CCNQ: variants seen among roughly 807,000 people sequenced by gnomAD.
CCNQ encodes the protein cyclin Q.
Under a neutral mutation model 17.7 loss-of-function variants are expected in CCNQ, and 3 were observed. That is an observed-to-expected ratio of 0.17 (90% CI 0.08 to 0.44). The LOEUF is 0.44. CCNQ is among the 20% of genes least tolerant of loss of function. The pLI, the probability that CCNQ is intolerant of heterozygous loss-of-function variation, is 0.99. For missense variants in CCNQ, 146 were observed against 222.6 expected, an observed-to-expected ratio of 0.66 and a Z score of 2.19; for synonymous variants, 73 against 96.0, an observed-to-expected ratio of 0.76 and a Z score of 1.40.
chrX:153,590,515 G>C (rs1557025560), intron 4 of CCNQ, among the ~76,000 whole-genome samples: 1 of 111,266 alleles, frequency 9.0e-6, no homozygotes, highest in Non-Finnish European at 1.9e-5. Context: ...CAGGAGCTTG[G>C]GGGTGGGGAG....
chrX:153,598,486 T>A (rs1557027567), intron 1 of CCNQ, among the ~76,000 whole-genome samples: 1 of 112,464 alleles, frequency 8.9e-6, no homozygotes, highest in Non-Finnish European at 1.9e-5. Flanking sequence ...CTTAATCACC[T>A]CGCCTGGGAA....
intron 4 of CCNQ, among the ~76,000 whole-genome samples, chrX:153,590,062 T>C (rs1396426721): frequency 9.2e-6 from 1 of 108,309 alleles, no homozygotes; most frequent in African/African-American, 3.4e-5. Flanking sequence ...ACCCCGTCTC[T>C]ACTAAAAATA....
chrX:153,596,761 A>C (rs782568123), intron 1 of CCNQ, among the ~76,000 whole-genome samples: 72 of 112,547 alleles, frequency 6.4e-4, no homozygotes, highest in Non-Finnish European at 1.3e-3. Context: ...CGTGACTGCC[A>C]AGAGTAACCA....
intron 1 of CCNQ, 34 bp from the exon 2 acceptor site, chrX:153,596,221 A>G (rs782764544): frequency 1.3e-5 from 16 of 1,194,148 alleles, no homozygotes; most frequent in Admixed American, 1.1e-4. Flanking sequence ...GAGGACTTCA[A>G]TCCAGCGCTG....
intron 2 of CCNQ, among the ~76,000 whole-genome samples, chrX:153,595,424 G>T (rs1237341763): frequency 8.8e-6 from 1 of 113,760 alleles, no homozygotes; most frequent in South Asian, 3.5e-4. Context: ...AGCCATCCAA[G>T]GAACATGTTT....
intron 4 of CCNQ, among the ~76,000 whole-genome samples, chrX:153,591,962 C>T (rs1557025889): frequency 9.1e-6 from 1 of 110,324 alleles, no homozygotes; most frequent in Non-Finnish European, 1.9e-5. Flanking sequence ...CTATGCAGAA[C>T]AGCACCAGCC....
chrX:153,596,724 G>A (rs1440194200), intron 1 of CCNQ, among the ~76,000 whole-genome samples: 2 of 112,622 alleles, frequency 1.8e-5, no homozygotes, highest in African/African-American at 3.2e-5. Flanking sequence ...TAGTCCACAG[G>A]TTAGAAGAGG....
intron 1 of CCNQ, 52 bp downstream of exon 1, chrX:153,598,910 C>G: frequency 1.0e-6 from 1 of 963,341 alleles, no homozygotes; most frequent in East Asian, 4.3e-5. Context: ...GGGCCCGCTC[C>G]GCGAAGCGGG....
intron 4 of CCNQ, 129 bp downstream of exon 4, chrX:153,592,377 C>G: frequency 1.4e-6 from 1 of 690,834 alleles, no homozygotes; most frequent in Middle Eastern, 3.1e-4. Context: ...AGGGTACTTT[C>G]GAGCTTCCAT....
chrX:153,589,738 C>G (rs2090978107), intron 4 of CCNQ, among the ~76,000 whole-genome samples: 1 of 112,459 alleles, frequency 8.9e-6, no homozygotes, highest in Admixed American at 9.4e-5. Flanking sequence ...TCCCAAAGAA[C>G]CCTAGGTTCC....
chrX:153,589,237 G>A (rs969207050), intron 4 of CCNQ, among the ~76,000 whole-genome samples: 4 of 112,951 alleles, frequency 3.5e-5, no homozygotes, highest in Non-Finnish European at 7.5e-5. Flanking sequence ...CCACGCAGGC[G>A]CTCCATGCCC....
In CCNQ at chrX:153,596,120, G is replaced by A. The variant is rs782684967; in HGVS notation, c.180C>T (p.Cys60=). ...TACTIYHKFF[C]ETNLDAYDPY... ...GGTCATAGGCGTCCAGGTTGGTCTC[G>A]CAAAAGAACTTATGGTAAATGGTGC... Residue 60 remains cysteine, a synonymous_variant, in exon 2 of 5, where the codon TGC becomes TGT. Coordinates refer to ENST00000576892, the MANE Select transcript of CCNQ (RefSeq NM_152274.5). 79 of 1,210,699 alleles carry A rather than the reference G, an allele frequency of 6.5e-5. No homozygotes were observed. The highest frequency in any genetic ancestry group is 2.4e-4 in the East Asian group (8 of 33,796).
At position 153,595,959 on chromosome X, in the gene CCNQ, C is replaced by G. The variant is rs368023355; in HGVS notation, c.296+45G>C. The G allele has an allele frequency of 1.3e-5, 16 of 1,193,791 alleles. No homozygotes were observed. The African/African-American group carries it at 2.3e-4, about 17-fold the overall frequency. The stretch of plus-strand genomic sequence containing the variant: ...CCCCATAGGAGCCTTCCCTGCCCGT[C>G]CCCCCCACCGGGTGGAGATCAGGAG... On this transcript the variant is annotated intron_variant, in intron 2 of 4. Transcript: ENST00000576892.
At chrX:153,598,914 A>G in intron 1 of CCNQ, 48 bp downstream of exon 1, 3 of 961,961 alleles carry the variant, frequency 3.1e-6, no homozygotes, top group Non-Finnish European at 4.1e-6. Context: ...CCGCTCCGCG[A>G]AGCGGGCCGC....
rs1557026107 is a variant in CCNQ at position 153,592,733 on chromosome X, A to G, written c.430T>C (p.Tyr144His). 1 of 1,205,308 alleles carries G rather than the reference A, an allele frequency of 8.3e-7. No individual in the cohort carries two copies. Among genetic ancestry groups the G allele is most frequent in the Admixed American group, 2.2e-5 (1 of 45,658 alleles). ...FQVSFQHPHK[Y>H]LLHYLVSLQN... ...AGGGAAACCAGGTAGTGGAGCAGGT[A>G]CTGCAAAGACACGTGTGTCAGCCTT... The change falls in exon 4 of 5, where the codon TAC becomes CAC. Residue 144 changes from tyrosine to histidine, a missense_variant and splice_region_variant. Physicochemically the swap from Tyr to His is moderately conservative, Grantham distance 83. Coordinates refer to ENST00000576892, the MANE Select transcript of CCNQ (RefSeq NM_152274.5).
At position 153,596,016 on chromosome X, in the gene CCNQ, T is replaced by C. The variant is rs782031283; in HGVS notation, c.284A>G (p.Asn95Ser). 1.5e-5 allele frequency: 18 copies of C among 1,211,806 alleles called. No homozygotes were observed. The highest frequency in any genetic ancestry group is 5.9e-5 in the East Asian group (2 of 33,831). Reference sequence around the variant, plus strand: ...CAAATGCCATTACCTGTTGGACACATTGATGATGTCACGAGTCCGCAGGTG... The same window carrying C: ...CAAATGCCATTACCTGTTGGACACACTGATGATGTCACGAGTCCGCAGGTG... Reference protein sequence around the residue: ...EQHLRTRDIINVSNRYFNPSG... With the variant: ...EQHLRTRDIISVSNRYFNPSG... The change falls in exon 2 of 5, where the codon AAT becomes AGT. Residue 95 changes from asparagine (N) to serine (S), a missense_variant. Physicochemically the swap from Asn to Ser is conservative, Grantham distance 46. Transcript: ENST00000576892.
chrX:153,594,383 C>A (rs1557026449), intron 3 of CCNQ, among the ~76,000 whole-genome samples, 164 bp downstream of exon 3: 6 of 112,942 alleles, frequency 5.3e-5, no homozygotes. Context: ...GCCGGGCGGC[C>A]AACCCAGCCA....
At chrX:153,592,767 C>G (rs1249326179) in intron 3 of CCNQ, 34 bp from the exon 4 acceptor site, 1 of 1,125,767 alleles carries the variant, frequency 8.9e-7, no homozygotes, top group Non-Finnish European at 1.2e-6. Context: ...TTTAGGCCCA[C>G]CAGCTGCTCT....
At position 153,599,125 on chromosome X, in the gene CCNQ, G is replaced by C. The variant is rs782001234; in HGVS notation, c.-52C>G. ...GAGGCGGCCCCGGCGCGCAGAAGCC[G>C]GCAGAACTGGAGGTGCTCGCGGCGG... On this transcript the variant is annotated 5_prime_UTR_variant, in exon 1 of 5. Transcript: ENST00000576892. 1.2e-3 allele frequency: 776 copies of C among 668,142 alleles called. 1 individual carries two copies. In the African/African-American group the frequency reaches 0.017, roughly 14 times the overall value. The allele number at this position is 668,142 out of a possible 1,213,427, so 55.1% of individuals were successfully genotyped here.
Sources: allele counts gnomAD v4.1 joint callset (sites outside exome capture counted in the v4.1 genomes callset), GRCh38; gene constraint gnomAD v4.1.1; transcripts MANE v1.5; gene names NCBI Gene and HGNC (gene_info 2026-07-23, HGNC 2026-07-21).